The following GLRA2 variants were observed in gnomAD, a reference collection of about 807,000 sequenced individuals.
GLRA2 encodes the protein glycine receptor subunit alpha-2.
A neutral mutation model predicts 31.6 loss-of-function variants in GLRA2; 11 were observed. The observed-to-expected ratio is 0.35, with a 90% confidence interval of 0.22 to 0.58. GLRA2 has a LOEUF of 0.58. Among genes scored for constraint, GLRA2 ranks in the 20% least tolerant of loss-of-function variants. GLRA2 has a pLI of 0.84. For missense variants in GLRA2, 212 were observed against 351.8 expected, an observed-to-expected ratio of 0.60 and a Z score of 3.18; for synonymous variants, 132 against 134.0, an observed-to-expected ratio of 0.99 and a Z score of 0.10.
At chrX:14,483,081 C>A in the GLRA2 span, among the ~76,000 whole-genome samples, 35 of 111,572 alleles carry the variant, frequency 3.1e-4, no homozygotes, top group Non-Finnish European at 1.9e-4. Context: ...GAAAGGCAAC[C>A]CTCTTCCAAT....
At chrX:14,664,131 T>C (rs1450861127) in intron 7 of GLRA2, among the ~76,000 whole-genome samples, 1 of 111,524 alleles carries the variant, frequency 9.0e-6, no homozygotes, top group Non-Finnish European at 1.9e-5. Flanking sequence ...GATAAAAATA[T>C]TAAATCTCAT....
chrX:14,588,706 G>A (rs1053860620), intron 4 of GLRA2, among the ~76,000 whole-genome samples: 1 of 111,696 alleles, frequency 9.0e-6, no homozygotes, highest in Non-Finnish European at 1.9e-5. Context: ...TTCTTCAAAT[G>A]TATGAGCATG....
chrX:14,542,073 T>C (rs993829680), intron 2 of GLRA2, among the ~76,000 whole-genome samples: 2 of 111,203 alleles, frequency 1.8e-5, no homozygotes, highest in African/African-American at 3.3e-5. Context: ...ATCTATAAAT[T>C]TGGAAAAGGA....
intron 7 of GLRA2, among the ~76,000 whole-genome samples, chrX:14,647,122 A>G (rs1305837544): frequency 1.8e-5 from 2 of 111,869 alleles, no homozygotes; most frequent in Non-Finnish European, 1.9e-5. Context: ...TGCAGAAGGA[A>G]CCAGGAGAGT....
chrX:14,727,621 A>T (rs774492452), intron 8 of GLRA2, among the ~76,000 whole-genome samples: 1 of 112,373 alleles, frequency 8.9e-6, no homozygotes, highest in East Asian at 2.8e-4. Context: ...TAATTAATAT[A>T]TCCAGTTATT....
intron 8 of GLRA2, among the ~76,000 whole-genome samples, chrX:14,719,329 T>A (rs979134900): frequency 9.0e-6 from 1 of 111,699 alleles, no homozygotes; most frequent in Non-Finnish European, 1.9e-5. Context: ...ATCAAAAATA[T>A]ACAAGGAGCT....
the GLRA2 span, among the ~76,000 whole-genome samples, chrX:14,519,498 G>C: frequency 2.7e-5 from 3 of 112,061 alleles, no homozygotes; most frequent in African/African-American, 9.8e-5. Context: ...CCAGGCCTAT[G>C]GGTTACTTGG....
At chrX:14,586,502 A>G (rs918184352) in intron 4 of GLRA2, among the ~76,000 whole-genome samples, 4 of 112,399 alleles carry the variant, frequency 3.6e-5, no homozygotes, top group African/African-American at 9.7e-5. Context: ...GAGAAAGTCA[A>G]TAATCCAGAG....
chrX:14,698,473 G>A (rs2091481544), intron 8 of GLRA2, among the ~76,000 whole-genome samples: 1 of 109,244 alleles, frequency 9.2e-6, no homozygotes, highest in Non-Finnish European at 1.9e-5. Flanking sequence ...GAGGGCAAGA[G>A]TTTGAGACCA....
chrX:14,507,960 C>T, the GLRA2 span, among the ~76,000 whole-genome samples: 2 of 110,483 alleles, frequency 1.8e-5, no homozygotes, highest in Non-Finnish European at 3.8e-5. Context: ...TCCCAAAGTG[C>T]TGGGATTACA....
At chrX:14,723,460 T>C (rs2091889913) in intron 8 of GLRA2, among the ~76,000 whole-genome samples, 1 of 112,325 alleles carries the variant, frequency 8.9e-6, no homozygotes, top group African/African-American at 3.2e-5. Flanking sequence ...TGCGTTCCTC[T>C]AGGCAGTCAT....
chrX:14,655,419 C>T (rs1265399536), intron 7 of GLRA2, among the ~76,000 whole-genome samples: 2 of 111,346 alleles, frequency 1.8e-5, no homozygotes, highest in African/African-American at 6.5e-5. Flanking sequence ...GGCGAGGTCA[C>T]CTGTAACAGG....
At chrX:14,568,414 C>T (rs890827084) in intron 2 of GLRA2, among the ~76,000 whole-genome samples, 2 of 111,345 alleles carry the variant, frequency 1.8e-5, no homozygotes, top group African/African-American at 3.3e-5. Context: ...GGGACTCAGC[C>T]GGGCATGGTG....
chrX:14,672,160 G>A (rs919699877), intron 7 of GLRA2, among the ~76,000 whole-genome samples: 2 of 112,381 alleles, frequency 1.8e-5, no homozygotes, highest in Admixed American at 9.4e-5. Flanking sequence ...GCAAAGCTGA[G>A]GTCCACATTT....
At chrX:14,698,036 C>G (rs1304958918) in intron 8 of GLRA2, among the ~76,000 whole-genome samples, 9 of 111,323 alleles carry the variant, frequency 8.1e-5, no homozygotes. Context: ...AGATACTGTT[C>G]TTATCTCAAT....
chrX:14,696,926 G>A (rs1279018248), intron 8 of GLRA2, among the ~76,000 whole-genome samples: 6 of 111,707 alleles, frequency 5.4e-5, no homozygotes, highest in Non-Finnish European at 9.4e-5. Flanking sequence ...AAGTCTTGGG[G>A]GGAGTTGAAG....
intron 4 of GLRA2, among the ~76,000 whole-genome samples, chrX:14,588,201 G>A (rs1601740480): frequency 8.9e-6 from 1 of 111,953 alleles, no homozygotes; most frequent in South Asian, 3.7e-4. Flanking sequence ...ACTATGCTCA[G>A]CCCTGTCTAG....
intron 7 of GLRA2, among the ~76,000 whole-genome samples, chrX:14,689,535 A>G (rs185019224): frequency 5.4e-5 from 6 of 112,114 alleles, no homozygotes; most frequent in Non-Finnish European, 1.1e-4. Flanking sequence ...TCCAATTCCA[A>G]TCTTGACTCT....
At chrX:14,531,118 C>T (rs1275627862) in intron 1 of GLRA2, 1 of 913,447 alleles carries the variant, frequency 1.1e-6, no homozygotes. Flanking sequence ...ATCATCCTCA[C>T]CACCACCACC....
Sources: allele counts gnomAD v4.1 joint callset (sites outside exome capture counted in the v4.1 genomes callset), GRCh38; gene constraint gnomAD v4.1.1; transcripts MANE v1.5; gene names NCBI Gene and HGNC (gene_info 2026-07-23, HGNC 2026-07-21).